Variants in ADSL observed in about 807,000 individuals in gnomAD.
ADSL encodes the protein adenylosuccinate lyase.
A neutral mutation model predicts 62.1 loss-of-function variants in ADSL; 44 were observed. The ratio of observed to expected loss-of-function variants is 0.71; its 90% CI spans 0.56 to 0.91. The LOEUF is 0.91. ADSL is among the 40% of genes least tolerant of loss of function. The pLI, the probability that ADSL is intolerant of heterozygous loss-of-function variation, is 0.00. For synonymous variants in ADSL, 198 were observed against 220.5 expected, an observed-to-expected ratio of 0.90 and a Z score of 0.90; for missense variants, 531 against 627.4, an observed-to-expected ratio of 0.85 and a Z score of 1.64.
chr22:40,364,827 G>A, intron 11 of ADSL, 53 bp from the exon 12 acceptor site: 1 of 1,587,394 alleles, frequency 6.3e-7, no homozygotes, highest in Non-Finnish European at 8.7e-7. Flanking sequence ...CTTTTTAAAA[G>A]TGTTCAAACG....
chr22:40,384,889 G>A (rs1170564980), intron 2 of ADSL, among the ~76,000 whole-genome samples: 2 of 152,232 alleles, frequency 1.3e-5, no homozygotes, highest in Non-Finnish European at 2.9e-5. Flanking sequence ...ATAGAGATTT[G>A]TAATTTATAT....
chr22:40,377,641 G>A (rs376968669), intron 2 of ADSL, among the ~76,000 whole-genome samples: 11 of 151,976 alleles, frequency 7.2e-5, no homozygotes, highest in African/African-American at 1.9e-4. Flanking sequence ...TTTGAGACCC[G>A]CCTGGGCAAC....
chr22:40,373,482 G>A (rs992514951), downstream of ADSL: 1 of 152,132 alleles, frequency 6.6e-6, no homozygotes, highest in Non-Finnish European at 1.5e-5. Context: ...TATCTACTGT[G>A]TATATCATCT....
chr22:40,364,215 G>T, intron 10 of ADSL, 61 bp from the exon 11 acceptor site: 1 of 1,376,694 alleles, frequency 7.3e-7, no homozygotes, highest in Admixed American at 1.8e-5. Flanking sequence ...ACATCCTGCT[G>T]TGTTTATGAC....
At position 40,346,517 on chromosome 22, in the gene ADSL, C is replaced by A; in HGVS notation, c.-42C>A. 6.3e-7 allele frequency: 1 copy of A among 1,578,132 alleles called. No individual in the cohort carries two copies. Among genetic ancestry groups the A allele is most frequent in the Non-Finnish European group, 8.6e-7 (1 of 1,166,144 alleles). ...TGGCCTCCAGGTTTCCGCTTCCGCT[C>A]TTCCCTGGTCCAGTCCACCCTGGCG... On this transcript the variant is annotated 5_prime_UTR_variant, in exon 1 of 13. Transcript: ENST00000623063.
At chr22:40,359,561 A>C (rs2044699975) in intron 6 of ADSL, among the ~76,000 whole-genome samples, 1 of 146,270 alleles carries the variant, frequency 6.8e-6, no homozygotes, top group African/African-American at 2.6e-5. Flanking sequence ...TTTTTGAGAC[A>C]GGGTCTTACT....
intron 2 of ADSL, chr22:40,352,100 C>A (rs553420489): frequency 6.6e-6 from 1 of 152,164 alleles, no homozygotes; most frequent in African/African-American, 2.4e-5. Context: ...CAACAATTAC[C>A]GTTTCATATC....
intron 2 of ADSL, among the ~76,000 whole-genome samples, chr22:40,351,172 A>AATT (rs2044331328): frequency 7.0e-6 from 1 of 143,764 alleles, no homozygotes; most frequent in African/African-American, 2.5e-5. Context: ...TTAAAAAAAA[A>AATT]TTTTTTTTTT....
intron 1 of ADSL, 62 bp downstream of exon 1, chr22:40,346,773 G>T: frequency 6.5e-7 from 1 of 1,527,958 alleles, no homozygotes; most frequent in Non-Finnish European, 8.8e-7. Flanking sequence ...GCACGTGCCG[G>T]GCTCTGTTCC....
chr22:40,381,588 T>C (rs1038280711), intron 2 of ADSL, among the ~76,000 whole-genome samples: 1 of 152,106 alleles, frequency 6.6e-6, no homozygotes, highest in Admixed American at 6.6e-5. Context: ...AAAGAACAAA[T>C]GATAAATAAG....
chr22:40,370,662 T>C (rs1488284536), downstream of ADSL: 1 of 152,330 alleles, frequency 6.6e-6, no homozygotes. Flanking sequence ...CCGACCCGGA[T>C]TGGCGCTGAG....
rs761671521 is a variant in ADSL at position 40,346,553 on chromosome 22, G to A, written c.-6G>A. The A allele has an allele frequency of 1.2e-6, 2 of 1,602,998 alleles. No homozygotes were observed. The highest frequency in any genetic ancestry group is 2.2e-5 in the East Asian group (1 of 44,602). On this transcript the variant is annotated 5_prime_UTR_variant, in exon 1 of 13. Coordinates refer to ENST00000623063, the MANE Select transcript of ADSL (RefSeq NM_000026.4). ...CAGTCCACCCTGGCGGGGTCGCAGG[G>A]TTGGGATGGCGGCTGGAGGCGATCA...
chr22:40,372,890 T>A (rs1392306309), downstream of ADSL: 1 of 152,246 alleles, frequency 6.6e-6, no homozygotes, highest in Non-Finnish European at 1.5e-5. Flanking sequence ...CCAGATAGCC[T>A]GTTATTCAGC....
intron 10 of ADSL, 146 bp from the exon 11 acceptor site, chr22:40,364,130 A>T: frequency 1.4e-6 from 1 of 704,608 alleles, no homozygotes. Flanking sequence ...AAACTGAAAA[A>T]ACATCATATA....
downstream of ADSL, among the ~76,000 whole-genome samples, chr22:40,371,292 CT>C (rs559905451): frequency 1.3e-5 from 2 of 152,276 alleles, no homozygotes; most frequent in African/African-American, 4.8e-5. Flanking sequence ...GACCTAGGCT[CT>C]TTTTTATTTG....
intron 2 of ADSL, chr22:40,378,052 T>C (rs1355303050): frequency 6.6e-6 from 1 of 152,054 alleles, no homozygotes; most frequent in Non-Finnish European, 1.5e-5. Flanking sequence ...TGACAGACTG[T>C]CTTGGTATGT....
chr22:40,365,939 A>G (rs1330607344), intron 12 of ADSL, among the ~76,000 whole-genome samples: 5 of 151,990 alleles, frequency 3.3e-5, no homozygotes, highest in Non-Finnish European at 7.4e-5. Flanking sequence ...GAATACTTGT[A>G]AATAGGTCAT....
At chr22:40,354,444 G>A in intron 4 of ADSL, 117 bp downstream of exon 4, 1 of 858,076 alleles carries the variant, frequency 1.2e-6, no homozygotes, top group South Asian at 1.3e-5. Context: ...TTAAATATAA[G>A]TAATTTGGGA....
chr22:40,384,132 T>C (rs912151550), intron 2 of ADSL, among the ~76,000 whole-genome samples: 1 of 152,086 alleles, frequency 6.6e-6, no homozygotes, highest in African/African-American at 2.4e-5. Context: ...TAGTCCTAGC[T>C]ACTCAGGAGG....
Sources: gnomAD v4.1 joint callset for allele counts (sites outside exome capture counted in the v4.1 genomes callset) on GRCh38, gnomAD v4.1.1 for gene constraint, MANE v1.5 for transcripts, NCBI Gene and HGNC (gene_info 2026-07-23, HGNC 2026-07-21) for gene names.